CDHR2: variants seen among roughly 807,000 people sequenced by gnomAD.
The protein encoded by CDHR2 is cadherin related family member 2, also known as cadherin-related family member 2.
CDHR2 carries 104 observed loss-of-function variants against 138.6 expected under a neutral mutation model. That is an observed-to-expected ratio of 0.75 (90% confidence interval 0.64 to 0.88). CDHR2 has a LOEUF of 0.88. Ranked by LOEUF, CDHR2 falls within the 40% of genes least tolerant of loss-of-function variation. The pLI is 0.00. For missense variants in CDHR2, 1,624 were observed against 1,727.6 expected, an observed-to-expected ratio of 0.94 and a Z score of 1.06; for synonymous variants, 755 against 742.8, an observed-to-expected ratio of 1.02 and a Z score of -0.27.
At chr5:176,586,528 C>A in intron 20 of CDHR2, 1 of 523,882 alleles carries the variant, frequency 1.9e-6, no homozygotes. Context: ...CTCTGTCCGA[C>A]CTAATGTCTG....
chr5:176,584,667 G>A lies in CDHR2; in HGVS notation c.2386G>A (p.Val796Met), dbSNP rs140060868. ...GGGTGAGACCATAGTAGACGTCTGC[G>A]TGAATGTGAAAGACGTGAACGACAA... is the stretch of plus-strand genomic sequence containing the variant. The part of the protein sequence containing the change: ...QGGETIVDVC[V>M]NVKDVNDNPP... Residue 796 changes from valine to methionine, a missense_variant, in exon 19 of 32, where the codon GTG (valine) becomes ATG (methionine). By Grantham distance (21) the Val-to-Met change is conservative. Coordinates refer to ENST00000261944, the MANE Select transcript of CDHR2 (RefSeq NM_017675.6). 65 of 1,613,962 alleles carry A rather than the reference G, an allele frequency of 4.0e-5. No individual in the cohort carries two copies. The highest frequency in any genetic ancestry group is 1.6e-4 in the Middle Eastern group (1 of 6,082).
In CDHR2 at chr5:176,578,085, C is replaced by T. The variant is rs768623023; in HGVS notation, c.1564C>T (p.Pro522Ser). Residue 522 changes from proline (P) to serine (S), a missense_variant, in exon 15 of 32, where the codon CCA becomes TCA. Pro to Ser is a moderately conservative substitution (Grantham distance 74). This residue lies in a region of CDHR2 where 1,061 missense variants were observed against 1,136.6 expected (regional missense o/e 0.93). Coordinates refer to ENST00000261944, the MANE Select transcript of CDHR2 (RefSeq NM_017675.6). ...GGGCCAAATTACCTACAGCCTGCTC[C>T]CAGGAAATGGGTAAGGGCTCAGGGT... ...AWGQITYSLL[P>S]GNGADLFQVD... 2 of 1,612,748 alleles carry T rather than the reference C, an allele frequency of 1.2e-6. No individual in the cohort carries two copies. Among genetic ancestry groups the T allele is most frequent in the African/African-American group, 2.7e-5 (2 of 74,920 alleles).
intron 1 of CDHR2, among the ~76,000 whole-genome samples, chr5:176,562,231 G>T (rs529743173): frequency 6.6e-6 from 1 of 152,260 alleles, no homozygotes; most frequent in South Asian, 2.1e-4. Flanking sequence ...TAGTTTGGTT[G>T]AGTGGGATGG....
chr5:176,577,542 G>C lies in CDHR2; in HGVS notation c.1338G>C (p.Ala446=). 6.2e-7 allele frequency: 1 copy of C among 1,613,686 alleles called. No individual in the cohort carries two copies. The highest frequency in any genetic ancestry group is 8.5e-7 in the Non-Finnish European group (1 of 1,179,840). ...SALVDYERQT[A]MAVQVVATDS... ...TGGTGGACTACGAGAGGCAGACGGC[G>C]ATGGCGGTGCAGGTGAGGGCTGCTC... is the stretch of plus-strand genomic sequence containing the variant. Residue 446 remains alanine, a synonymous_variant, in exon 13 of 32, where the codon GCG becomes GCC. Transcript: ENST00000261944.
chr5:176,567,984 G>A (rs904667801), intron 3 of CDHR2, among the ~76,000 whole-genome samples: 1 of 152,224 alleles, frequency 6.6e-6, no homozygotes, highest in Non-Finnish European at 1.5e-5. Flanking sequence ...ATCAGGGGAC[G>A]TAGGCTCCCA....
At chr5:176,558,142 C>T (rs2113264623) in intron 1 of CDHR2, among the ~76,000 whole-genome samples, 1 of 152,198 alleles carries the variant, frequency 6.6e-6, no homozygotes, top group East Asian at 1.9e-4. Flanking sequence ...GTATGATGTT[C>T]CTGGGCTCCT....
At position 176,575,297 on chromosome 5, in the gene CDHR2, C is replaced by T. The variant is rs1581141015; in HGVS notation, c.639C>T (p.Tyr213=). 1.2e-6 allele frequency: 2 copies of T among 1,614,228 alleles called. No homozygotes were observed. Among genetic ancestry groups the T allele is most frequent in the Non-Finnish European group, 8.5e-7 (1 of 1,180,044 alleles). ...ELKACDLGGM[Y]HNTFTIQCSL... ...CCCCGCAGGACTTGGGCGGCATGTACCACAACACCTTCACCATCCAGTGCT... is the reference window on the plus strand; with the variant it reads ...CCCCGCAGGACTTGGGCGGCATGTATCACAACACCTTCACCATCCAGTGCT... Residue 213 remains tyrosine (Y), a synonymous_variant, in exon 9 of 32, where the codon TAC becomes TAT. Transcript: ENST00000261944.
chr5:176,584,821 T>C lies in CDHR2; in HGVS notation c.2540T>C (p.Val847Ala). ...AGTGCCCAGCTGGAGATACAGCTTG[T>C]GAACATTCTCTGCACCAAGGCCGGG... The part of the protein sequence containing the change: ...DTSAQLEIQL[V>A]NILCTKAGVD... Residue 847 changes from valine (V) to alanine (A), a missense_variant, in exon 19 of 32, where the codon GTG becomes GCG. By Grantham distance (64) the Val-to-Ala change is moderately conservative (BLOSUM62 0). Transcript: ENST00000261944. 1.2e-6 allele frequency: 2 copies of C among 1,614,150 alleles called. No individual in the cohort carries two copies. Among genetic ancestry groups the C allele is most frequent in the Non-Finnish European group, 1.7e-6 (2 of 1,180,030 alleles).
At chr5:176,586,880 C>A (rs370483280) in intron 21 of CDHR2, 38 bp downstream of exon 21, 3 of 1,571,072 alleles carry the variant, frequency 1.9e-6, no homozygotes, top group South Asian at 1.1e-5. Context: ...GTCATATGAG[C>A]CCCAGGGGAC....
intron 11 of CDHR2, 22 bp downstream of exon 11, chr5:176,575,861 C>T: frequency 3.9e-6 from 6 of 1,542,350 alleles, no homozygotes. Context: ...CCCCACCACC[C>T]CTGTCAGAAC....
chr5:176,569,285 A>G (rs1758163599), intron 5 of CDHR2, among the ~76,000 whole-genome samples: 2 of 128,692 alleles, frequency 1.6e-5, no homozygotes, highest in Non-Finnish European at 3.4e-5. Context: ...TGTAAATTAA[A>G]TGTTTTTTTT....
chr5:176,569,095 C>A (rs1758159455), intron 5 of CDHR2, 85 bp downstream of exon 5: 1 of 1,226,800 alleles, frequency 8.2e-7, no homozygotes, highest in Non-Finnish European at 1.2e-6. Flanking sequence ...GCGGACGGTG[C>A]CCCAGTTAAC....
intron 12 of CDHR2, among the ~76,000 whole-genome samples, 181 bp from the exon 13 acceptor site, chr5:176,577,218 G>A (rs1758404300): frequency 1.3e-5 from 2 of 152,186 alleles, no homozygotes; most frequent in Admixed American, 1.3e-4. Context: ...TACAGAGCCT[G>A]CATTTGCAGG....
rs1758527347 is a variant in CDHR2 at position 176,581,432 on chromosome 5, C to T, written c.1908C>T (p.Asp636=). 1.2e-6 allele frequency: 2 copies of T among 1,614,056 alleles called. No homozygotes were observed. Among genetic ancestry groups the T allele is most frequent in the Non-Finnish European group, 1.7e-6 (2 of 1,180,048 alleles). ...PGPYSHNFSL[D]PDTGLLRNLG... ...CCTACAGCCACAACTTCTCCTTGGA[C>T]CCTGACACAGGGCTCCTCAGAAACC... Residue 636 remains aspartate, a synonymous_variant, in exon 17 of 32, where the codon GAC becomes GAT. Coordinates refer to ENST00000261944, the MANE Select transcript of CDHR2 (RefSeq NM_017675.6).
At position 176,576,453 on chromosome 5, in the gene CDHR2, C is replaced by T. The variant is rs3762966; in HGVS notation, c.1194+268C>T. On this transcript the variant is annotated intron_variant, in intron 12 of 31. Coordinates refer to ENST00000261944, the MANE Select transcript of CDHR2 (RefSeq NM_017675.6). This position sits in a 1 kb window ranked among gnomAD's most constrained non-coding sequence, Gnocchi z 4.5. ...TGATGCTGAGTAGAACATCATTGTC[C>T]GTGGTGATGGGTGGCTGGCGAGGTC... Among the ~76,000 whole-genome samples, 133,601 of 151,980 alleles carry T rather than the reference C, an allele frequency of 0.88. 59,478 individuals carry two copies. Among genetic ancestry groups the T allele is most frequent in the Non-Finnish European group, 0.96 (65,029 of 67,994 alleles).
Position 176,576,614 on chromosome 5 carries a change from T to C in CDHR2, c.1194+429T>C, listed in dbSNP as rs1758389299. On this transcript the variant is annotated intron_variant, in intron 12 of 31. Coordinates refer to ENST00000261944, the MANE Select transcript of CDHR2 (RefSeq NM_017675.6). This position sits in a 1 kb window ranked among gnomAD's most constrained non-coding sequence, Gnocchi z 4.5. ...TTTTTTGAGATGGAATTTCGCTCTG[T>C]CACCCAGGCTGGAGTGCAATGGCCC... Among the ~76,000 whole-genome samples the C allele has an allele frequency of 6.7e-6, 1 of 150,222 alleles. No homozygotes were observed. Among genetic ancestry groups the C allele is most frequent in the Non-Finnish European group, 1.5e-5 (1 of 67,608 alleles).
rs182901338 is a variant in CDHR2 at position 176,564,568 on chromosome 5, C to T, written c.-15-770C>T. The stretch of plus-strand genomic sequence containing the variant: ...TCAAAGTCCCCCTTTTCTCCTTTTC[C>T]CTAACAAGGGACGGCTTGCAACATA... On this transcript the variant is annotated intron_variant, in intron 1 of 31. Coordinates refer to ENST00000261944, the MANE Select transcript of CDHR2 (RefSeq NM_017675.6). Among the ~76,000 whole-genome samples the T allele has an allele frequency of 2.3e-3, 357 of 152,274 alleles. 1 individual carries two copies. The highest frequency in any genetic ancestry group is 8.2e-3 in the African/African-American group (342 of 41,550).
At position 176,577,513 on chromosome 5, in the gene CDHR2, G is replaced by A. The variant is rs374303173; in HGVS notation, c.1309G>A (p.Ala437Thr). Reference protein sequence around the residue: ...ASVQVLVRVSALVDYERQTAM... With the variant: ...ASVQVLVRVSTLVDYERQTAM... ...CGTTCAGGTGCTGGTGAGAGTATCC[G>A]CGCTGGTGGACTACGAGAGGCAGAC... The change falls in exon 13 of 32, where the codon GCG becomes ACG. Residue 437 changes from alanine to threonine, a missense_variant. Transcript: ENST00000261944. 5.6e-5 allele frequency: 91 copies of A among 1,613,042 alleles called. No individual in the cohort carries two copies. The highest frequency in any genetic ancestry group is 7.3e-5 in the Non-Finnish European group (86 of 1,179,770).
intron 6 of CDHR2, among the ~76,000 whole-genome samples, chr5:176,573,776 T>C (rs1334685778): frequency 6.6e-6 from 1 of 152,134 alleles, no homozygotes; most frequent in Non-Finnish European, 1.5e-5. Context: ...GCACATGGGA[T>C]GTCTGAGTGC....
Sources: gnomAD v4.1 joint callset for allele counts (sites outside exome capture counted in the v4.1 genomes callset) on GRCh38, gnomAD v4.1.1 for gene constraint, gnomAD v4.1.1 regional missense constraint, Gnocchi (gnomAD v3.1) non-coding constraint, MANE v1.5 for transcripts, NCBI Gene and HGNC (gene_info 2026-07-23, HGNC 2026-07-21) for gene names.